CCDC9: variants seen among roughly 807,000 people sequenced by gnomAD.
CCDC9 encodes the protein coiled-coil domain containing 9.
CCDC9 carries 52 observed loss-of-function variants against 65.6 expected under a neutral mutation model. The ratio of observed to expected loss-of-function variants is 0.79; its 90% CI spans 0.63 to 1.00. The LOEUF (loss-of-function observed/expected upper bound fraction) is 1.00, where lower values mean the gene tolerates loss of function less well. Ranked by LOEUF, CCDC9 falls within the 50% of genes least tolerant of loss-of-function variation. CCDC9 has a pLI of 0.00. For synonymous variants in CCDC9, 332 were observed against 280.3 expected (o/e 1.18, Z -1.84); for missense variants, 834 against 757.2 (o/e 1.10, Z -1.19).
At chr19:47,258,729 T>A in intron 3 of CCDC9, 66 bp downstream of exon 3, 1 of 1,231,200 alleles carries the variant, frequency 8.1e-7, no homozygotes, top group Non-Finnish European at 1.2e-6. Context: ...TTCTCACCTC[T>A]CCCTTCCTTA....
rs1023951862 is a variant in CCDC9 at position 47,268,811 on chromosome 19, G to A, written c.903-1596G>A. Among the ~76,000 whole-genome samples, 37 of 151,888 alleles carry A rather than the reference G, an allele frequency of 2.4e-4. 2 individuals are homozygous for A. Among genetic ancestry groups the A allele is most frequent in the African/African-American group, 1.2e-4 (5 of 41,342 alleles). ...GGGCGCCCTGTAGTCCCAGCTACTCGGGAGGCTGAGGCAGGAGAATGGTGT... is the reference window on the plus strand; with the variant it reads ...GGGCGCCCTGTAGTCCCAGCTACTCAGGAGGCTGAGGCAGGAGAATGGTGT... On this transcript the variant is annotated intron_variant, in intron 8 of 11. Transcript: ENST00000221922.
At chr19:47,260,950 C>G (rs1236584348) in intron 5 of CCDC9, 111 bp downstream of exon 5, 2 of 1,246,934 alleles carry the variant, frequency 1.6e-6, no homozygotes, top group African/African-American at 1.6e-5. Flanking sequence ...TTCAGTATCT[C>G]TCTCTGAGCC....
At chr19:47,266,896 T>A in intron 8 of CCDC9, 104 bp downstream of exon 8, 1 of 1,341,038 alleles carries the variant, frequency 7.5e-7, no homozygotes, top group Non-Finnish European at 1.0e-6. Flanking sequence ...TATGAGTGAG[T>A]GACTGCCAAG....
At chr19:47,275,617 G>T, downstream of CCDC9, 1 of 504,206 alleles carries the variant, frequency 2.0e-6, no homozygotes, top group Non-Finnish European at 3.6e-6. Context: ...GGGATGCTGA[G>T]CACAGAGCCC....
downstream of CCDC9, chr19:47,274,971 G>C: frequency 6.9e-7 from 1 of 1,452,816 alleles, no homozygotes; most frequent in Non-Finnish European, 9.0e-7. Context: ...CGGAGGCGCG[G>C]GGCTGAGCGA....
At chr19:47,274,875 C>T (rs1046368065), downstream of CCDC9, 2 of 1,026,876 alleles carry the variant, frequency 1.9e-6, no homozygotes, top group Non-Finnish European at 2.3e-6. Context: ...CTGGTGGGGG[C>T]GGGGCCTGTG....
At chr19:47,265,476 GT>G (rs750991758) in intron 7 of CCDC9, among the ~76,000 whole-genome samples, 16 of 152,102 alleles carry the variant, frequency 1.1e-4, no homozygotes, top group Non-Finnish European at 1.9e-4. Flanking sequence ...TGTGTGAGGG[GT>G]GGGGACCTGG....
At chr19:47,273,919 G>A (rs951540771), downstream of CCDC9, 135 of 958,634 alleles carry the variant, frequency 1.4e-4, 1 homozygote, top group Non-Finnish European at 1.6e-4. Context: ...GGAAGGAAGG[G>A]GTCTTCCTCC....
At chr19:47,274,903 C>T (rs536132947), downstream of CCDC9, 10 of 1,281,864 alleles carry the variant, frequency 7.8e-6, no homozygotes, top group South Asian at 2.4e-4. Flanking sequence ...CGGCGCGGAG[C>T]CGAGTGGGCT....
At chr19:47,269,944 C>A (rs1009836621) in intron 8 of CCDC9, among the ~76,000 whole-genome samples, 1 of 151,704 alleles carries the variant, frequency 6.6e-6, no homozygotes, top group African/African-American at 2.4e-5. Flanking sequence ...GTCAAATTTG[C>A]CTCTTGCCCA....
downstream of CCDC9, chr19:47,275,334 C>G: frequency 6.5e-7 from 1 of 1,545,124 alleles, no homozygotes. Context: ...CGCGGAGGGG[C>G]GAAGACCCGG....
At chr19:47,264,738 G>A in intron 6 of CCDC9, 35 bp from the exon 7 acceptor site, 1 of 1,603,740 alleles carries the variant, frequency 6.2e-7, no homozygotes, top group South Asian at 1.1e-5. Context: ...GGGCTGCGGG[G>A]AGCCCGCGCC....
At chr19:47,269,633 C>A (rs923157433) in intron 8 of CCDC9, among the ~76,000 whole-genome samples, 2 of 152,154 alleles carry the variant, frequency 1.3e-5, no homozygotes, top group African/African-American at 4.8e-5. Flanking sequence ...CCACCGTGCC[C>A]GGCCCTAATA....
chr19:47,273,204 T>A (rs1428366216), downstream of CCDC9, among the ~76,000 whole-genome samples: 1 of 151,548 alleles, frequency 6.6e-6, no homozygotes, highest in Non-Finnish European at 1.5e-5. Context: ...CTGAGAGGAT[T>A]AGTCTGGGCC....
At chr19:47,266,461 G>A (rs767246035) in intron 7 of CCDC9, 150 bp from the exon 8 acceptor site, 12 of 1,242,106 alleles carry the variant, frequency 9.7e-6, no homozygotes, top group Non-Finnish European at 1.1e-5. Context: ...GAGGGCCTCT[G>A]TGAGGAGGTG....
chr19:47,264,864 G>A lies in CCDC9; in HGVS notation c.638G>A (p.Arg213Gln), dbSNP rs760906023. The stretch of plus-strand genomic sequence containing the variant: ...CTGGAGGAGTCTGAGCGGGACCGCC[G>A]GGAGGAGAGCCGCCGGCACGGCCGC... ...GPLEESERDRREESRRHGRNW... is the reference protein window; with the variant it reads ...GPLEESERDRQEESRRHGRNW... Residue 213 changes from arginine (R) to glutamine (Q), a missense_variant, in exon 7 of 12, where the codon CGG (arginine) becomes CAG (glutamine). By Grantham distance (43) the Arg-to-Gln change is conservative. Coordinates refer to ENST00000221922, the MANE Select transcript of CCDC9 (RefSeq NM_015603.3). The A allele has an allele frequency of 1.1e-5, 17 of 1,499,050 alleles. No homozygotes were observed. The highest frequency in any genetic ancestry group is 2.7e-5 in the South Asian group (2 of 74,288). 92.9% of individuals were successfully genotyped at this position (1,499,050 alleles called of 1,614,324 possible).
intron 8 of CCDC9, among the ~76,000 whole-genome samples, chr19:47,269,353 C>CT (rs1056286626): frequency 8.5e-4 from 124 of 146,058 alleles, no homozygotes; most frequent in South Asian, 1.7e-3. Context: ...ATAATATTAT[C>CT]TTTTTTTTTT....
chr19:47,260,028 G>A (rs1035388), intron 3 of CCDC9, among the ~76,000 whole-genome samples: 50,529 of 152,076 alleles, frequency 0.33, 8,727 homozygotes, highest in East Asian at 0.6. Flanking sequence ...GAATAGCAAG[G>A]AAGCCGGAGT....
At chr19:47,262,210 C>CTTT (rs60699350) in intron 5 of CCDC9, among the ~76,000 whole-genome samples, 20 of 111,970 alleles carry the variant, frequency 1.8e-4, no homozygotes, top group Non-Finnish European at 1.8e-4. Flanking sequence ...CAGGTTCCTG[C>CTTT]TTTTTTTTTT....
Sources: allele counts gnomAD v4.1 joint callset (sites outside exome capture counted in the v4.1 genomes callset), GRCh38; gene constraint gnomAD v4.1.1; transcripts MANE v1.5; gene names NCBI Gene and HGNC (gene_info 2026-07-23, HGNC 2026-07-21).